Variants in BCL2L1 observed in about 807,000 individuals in gnomAD.
BCL2L1 encodes the protein bcl-2-like protein 1.
In BCL2L1, 1 loss-of-function variant was observed where a neutral mutation model predicts 18.7. That is an observed-to-expected ratio of 0.05 (90% CI 0.02 to 0.25). The LOEUF (loss-of-function observed/expected upper bound fraction) is 0.25, where lower values mean the gene tolerates loss of function less well. BCL2L1 is among the 10% of genes least tolerant of loss of function. The pLI, the probability that BCL2L1 is intolerant of heterozygous loss-of-function variation, is 1.00. For missense variants in BCL2L1, 207 were observed against 304.9 expected (o/e 0.68, Z 2.39); for synonymous variants, 103 against 122.7 (o/e 0.84, Z 1.06).
intron 2 of BCL2L1, among the ~76,000 whole-genome samples, chr20:31,711,531 T>C (rs1266360402): frequency 6.6e-6 from 1 of 152,162 alleles, no homozygotes. Flanking sequence ...TGGGACTCAG[T>C]CTCAGTTACC....
At chr20:31,689,285 GGGGA>G (rs2061018032) in intron 2 of BCL2L1, among the ~76,000 whole-genome samples, 1 of 97,268 alleles carries the variant, frequency 1.0e-5, no homozygotes, top group Non-Finnish European at 2.1e-5. Context: ...GGGCAGGGGA[GGGGA>G]GGGAAGGAAG....
chr20:31,718,375 G>A (rs1447748129), intron 2 of BCL2L1, among the ~76,000 whole-genome samples: 2 of 152,200 alleles, frequency 1.3e-5, no homozygotes, highest in African/African-American at 4.8e-5. Context: ...ATTGGCCGGG[G>A]CCAGGCACGG....
At chr20:31,670,691 G>A (rs1437120690) in intron 2 of BCL2L1, among the ~76,000 whole-genome samples, 1 of 152,206 alleles carries the variant, frequency 6.6e-6, no homozygotes, top group African/African-American at 2.4e-5. Context: ...TCCTGGGGAA[G>A]GGGAGTAGTA....
intron 2 of BCL2L1, among the ~76,000 whole-genome samples, chr20:31,671,598 C>T (rs1568850279): frequency 1.3e-5 from 2 of 151,980 alleles, no homozygotes; most frequent in Non-Finnish European, 2.9e-5. Context: ...TCTGTTTATA[C>T]CAGGGGTATG....
At chr20:31,690,852 G>C (rs910582065) in intron 2 of BCL2L1, among the ~76,000 whole-genome samples, 1 of 152,038 alleles carries the variant, frequency 6.6e-6, no homozygotes, top group African/African-American at 2.4e-5. Context: ...TTCATTATGA[G>C]ATATTAATAC....
At chr20:31,721,624 A>G (rs1464026901) in intron 2 of BCL2L1, 31 bp downstream of exon 2, 1 of 1,555,560 alleles carries the variant, frequency 6.4e-7, no homozygotes, top group South Asian at 1.2e-5. Context: ...GAGGCCAAAG[A>G]AAAGGGACAC....
intron 2 of BCL2L1, among the ~76,000 whole-genome samples, chr20:31,669,770 C>A (rs1189027004): frequency 2.6e-5 from 4 of 152,022 alleles, no homozygotes; most frequent in Non-Finnish European, 5.9e-5. Flanking sequence ...GGGCAGAGGT[C>A]CTGTCTCGTT....
chr20:31,712,784 G>A (rs2061474265), intron 2 of BCL2L1, among the ~76,000 whole-genome samples: 1 of 152,088 alleles, frequency 6.6e-6, no homozygotes, highest in South Asian at 2.1e-4. Context: ...ATGTGTGTGT[G>A]GCCAGGGAGG....
chr20:31,674,346 C>G (rs541760357), intron 2 of BCL2L1, among the ~76,000 whole-genome samples: 80 of 152,228 alleles, frequency 5.3e-4, no homozygotes, highest in South Asian at 2.3e-3. Context: ...ATATGTGGCC[C>G]ACAGATGATC....
rs1434147554 is a variant in BCL2L1, at chr20:31,665,507, G to C, written c.*442C>G. The C allele has an allele frequency of 6.0e-6, 1 of 166,476 alleles. No homozygotes were observed. The highest frequency in any genetic ancestry group is 2.4e-5 in the African/African-American group (1 of 41,798). 10.3% of individuals were successfully genotyped at this position (166,476 alleles called of 1,614,324 possible). A position where few individuals can be genotyped will look rare whatever the true frequency, so the allele number is the denominator to read the frequency against. On this transcript the variant is annotated 3_prime_UTR_variant, in exon 3 of 3. Coordinates refer to ENST00000307677, the MANE Select transcript of BCL2L1 (RefSeq NM_138578.3). Reference sequence around the variant, plus strand: ...CCCAGGTTAGTGTGGGGAGAGTGGGGGGAAAATGATCAATTCTGAGGCCAC... The same window carrying C: ...CCCAGGTTAGTGTGGGGAGAGTGGGCGGAAAATGATCAATTCTGAGGCCAC...
At chr20:31,673,628 G>C (rs1255340481) in intron 2 of BCL2L1, among the ~76,000 whole-genome samples, 1 of 152,070 alleles carries the variant, frequency 6.6e-6, no homozygotes, top group Non-Finnish European at 1.5e-5. Flanking sequence ...TCCAGCCTGG[G>C]CAACAGAGTG....
At chr20:31,666,194 T>A in intron 2 of BCL2L1, 108 bp from the exon 3 acceptor site, 2 of 1,412,206 alleles carry the variant, frequency 1.4e-6, no homozygotes, top group Non-Finnish European at 2.0e-6. Context: ...TGAAAAACTG[T>A]AGCCATCTGT....
intron 2 of BCL2L1, among the ~76,000 whole-genome samples, chr20:31,711,457 T>A (rs1358948792): frequency 6.6e-6 from 1 of 152,184 alleles, no homozygotes; most frequent in Non-Finnish European, 1.5e-5. Flanking sequence ...GTAGACTGAT[T>A]CAGATGGCAG....
rs749634318 is a variant in BCL2L1 at position 31,722,239 on chromosome 20, C to T, written c.-21G>A. 1.4e-6 allele frequency: 2 copies of T among 1,471,520 alleles called. No homozygotes were observed. The highest frequency in any genetic ancestry group is 2.3e-5 in the East Asian group (1 of 43,524). The allele number at this position is 1,471,520 out of a possible 1,614,324, so 91.2% of individuals were successfully genotyped here. On this transcript the variant is annotated 5_prime_UTR_variant, in exon 2 of 3. Transcript: ENST00000307677. ...GACATTTTTATAATAGGGATGGGCTCAACCAGTCCATTGTCCAAAACACCT... is the reference window on the plus strand; with the variant it reads ...GACATTTTTATAATAGGGATGGGCTTAACCAGTCCATTGTCCAAAACACCT...
At chr20:31,671,133 C>A (rs1199208089) in intron 2 of BCL2L1, among the ~76,000 whole-genome samples, 1 of 151,958 alleles carries the variant, frequency 6.6e-6, no homozygotes, top group African/African-American at 2.4e-5. Flanking sequence ...TTTGTAGGGC[C>A]ACTGGCGACA....
intron 2 of BCL2L1, among the ~76,000 whole-genome samples, chr20:31,696,858 C>G (rs989288274): frequency 6.6e-6 from 1 of 152,082 alleles, no homozygotes; most frequent in Non-Finnish European, 1.5e-5. Context: ...GAGTTCGAGA[C>G]GAGCCTGGCC....
intron 2 of BCL2L1, among the ~76,000 whole-genome samples, chr20:31,698,750 G>C (rs1314625521): frequency 6.6e-6 from 1 of 152,004 alleles, no homozygotes; most frequent in Non-Finnish European, 1.5e-5. Flanking sequence ...ATGTTGCCCA[G>C]GCTGGTCTCA....
intron 2 of BCL2L1, among the ~76,000 whole-genome samples, chr20:31,694,190 C>T (rs2061130411): frequency 6.6e-6 from 1 of 152,108 alleles, no homozygotes. Context: ...ACCTGTAGCC[C>T]TTGGTGACCT....
intron 2 of BCL2L1, among the ~76,000 whole-genome samples, chr20:31,695,247 C>T (rs961588117): frequency 3.3e-5 from 5 of 152,324 alleles, no homozygotes; most frequent in African/African-American, 1.2e-4. Flanking sequence ...AGAGTTTGTT[C>T]TCCACATCAG....
Sources: gnomAD v4.1 joint callset for allele counts (sites outside exome capture counted in the v4.1 genomes callset) on GRCh38, gnomAD v4.1.1 for gene constraint, MANE v1.5 for transcripts, NCBI Gene and HGNC (gene_info 2026-07-23, HGNC 2026-07-21) for gene names.